CNTN4: variants seen among roughly 807,000 people sequenced by gnomAD.
The protein encoded by CNTN4 is contactin-4.
In CNTN4, 77 loss-of-function variants were observed where a neutral mutation model predicts 122.5. That is an observed-to-expected ratio of 0.63 (90% CI 0.52 to 0.76). The LOEUF (loss-of-function observed/expected upper bound fraction) is 0.76. CNTN4 is among the 30% of genes least tolerant of loss of function. CNTN4 has a pLI of 0.00. For synonymous variants in CNTN4, 512 were observed against 447.0 expected, an observed-to-expected ratio of 1.15 and a Z score of -1.83; for missense variants, 1,256 against 1,259.1, an observed-to-expected ratio of 1.00 and a Z score of 0.04.
At chr3:2,624,269 G>A (rs1302252715) in intron 4 of CNTN4, among the ~76,000 whole-genome samples, 3 of 152,090 alleles carry the variant, frequency 2.0e-5, no homozygotes, top group African/African-American at 7.2e-5. Context: ...AAAGGGTCCA[G>A]GAAAGAAACA....
At chr3:2,977,302 A>G (rs564348380) in intron 13 of CNTN4, among the ~76,000 whole-genome samples, 291 of 152,284 alleles carry the variant, frequency 1.9e-3, no homozygotes, top group Middle Eastern at 6.8e-3. Flanking sequence ...TTTTAATACC[A>G]AAGTAAATAT....
At chr3:2,113,437 T>C (rs2033110248) in intron 2 of CNTN4, among the ~76,000 whole-genome samples, 1 of 152,212 alleles carries the variant, frequency 6.6e-6, no homozygotes, top group Admixed American at 6.5e-5. Flanking sequence ...TTGTGAGAAA[T>C]GCAGAAATTT....
At chr3:2,714,644 C>A (rs933136415) in intron 4 of CNTN4, among the ~76,000 whole-genome samples, 2 of 152,204 alleles carry the variant, frequency 1.3e-5, no homozygotes, top group African/African-American at 4.8e-5. Context: ...CCAACCAGAA[C>A]AGAACCAGAG....
chr3:2,766,339 G>C (rs1330902805), intron 6 of CNTN4, among the ~76,000 whole-genome samples: 2 of 152,170 alleles, frequency 1.3e-5, no homozygotes, highest in African/African-American at 2.4e-5. Context: ...AATCAGGCTA[G>C]TCCAAATGAC....
intron 2 of CNTN4, among the ~76,000 whole-genome samples, chr3:2,151,999 A>G (rs1006284251): frequency 1.3e-5 from 2 of 152,242 alleles, no homozygotes; most frequent in Non-Finnish European, 2.9e-5. Flanking sequence ...ATTATGTACA[A>G]TATTAACTGA....
chr3:2,839,612 C>T (rs2093308459), intron 7 of CNTN4, among the ~76,000 whole-genome samples: 1 of 152,120 alleles, frequency 6.6e-6, no homozygotes, highest in Non-Finnish European at 1.5e-5. Flanking sequence ...GACTGCACTG[C>T]AGTTGAATTG....
At chr3:3,055,589 G>A (rs960322473) in intron 24 of CNTN4, among the ~76,000 whole-genome samples, 1 of 152,178 alleles carries the variant, frequency 6.6e-6, no homozygotes, top group Non-Finnish European at 1.5e-5. Flanking sequence ...TTGCAGAAAA[G>A]GGGTAGATTT....
chr3:2,947,968 G>A (rs536826437), intron 13 of CNTN4, among the ~76,000 whole-genome samples: 10 of 151,920 alleles, frequency 6.6e-5, no homozygotes, highest in East Asian at 1.9e-4. Context: ...TGCTGGGTGC[G>A]TTGTTTATTC....
At chr3:2,191,275 A>T (rs2037532236) in intron 2 of CNTN4, among the ~76,000 whole-genome samples, 1 of 150,696 alleles carries the variant, frequency 6.6e-6, no homozygotes, top group Non-Finnish European at 1.5e-5. Flanking sequence ...TTTGGCATTA[A>T]CCCAGACATA....
chr3:2,400,669 G>A (rs940001094), intron 3 of CNTN4, among the ~76,000 whole-genome samples: 1 of 150,340 alleles, frequency 6.7e-6, no homozygotes, highest in African/African-American at 2.4e-5. Flanking sequence ...GAGTAATGGT[G>A]CAAAAGCCAT....
chr3:2,916,548 G>C (rs1468211882), intron 12 of CNTN4, among the ~76,000 whole-genome samples: 9 of 141,774 alleles, frequency 6.3e-5, no homozygotes, highest in African/African-American at 2.4e-4. Context: ...GCATCCCAAG[G>C]CAGAAGAATT....
chr3:2,502,959 C>G (rs190186259), intron 3 of CNTN4, among the ~76,000 whole-genome samples: 1 of 152,018 alleles, frequency 6.6e-6, no homozygotes, highest in Non-Finnish European at 1.5e-5. Flanking sequence ...CCTTGTGAAC[C>G]GCAACACATA....
Position 2,709,390 on chromosome 3 carries a change from T to C in CNTN4, c.56-26825T>C, listed in dbSNP as rs1305264366. Among the ~76,000 whole-genome samples the C allele has an allele frequency of 2.0e-5, 3 of 151,792 alleles. No homozygotes were observed. Among genetic ancestry groups the C allele is most frequent in the African/African-American group, 2.4e-5 (1 of 41,150 alleles). ...GGTCTCACGCCTGGTTAGGATTTGA[T>C]TGGTAAGGGTACAACCTGTGCACCA... On this transcript the variant is annotated intron_variant, in intron 4 of 24. Transcript: ENST00000418658. The surrounding 1 kb of genome is among the most constrained non-coding windows in gnomAD (Gnocchi z 5.0).
At chr3:2,224,947 A>G (rs929598270) in intron 2 of CNTN4, among the ~76,000 whole-genome samples, 50 of 151,436 alleles carry the variant, frequency 3.3e-4, no homozygotes, top group South Asian at 1.5e-3. Context: ...TCAGGAGATG[A>G]AGACTATCCT....
chr3:2,932,792 C>CTT (rs2151434073), intron 13 of CNTN4, among the ~76,000 whole-genome samples: 1 of 147,710 alleles, frequency 6.8e-6, no homozygotes. Context: ...GATGCAGATG[C>CTT]TTACAGTCTT....
chr3:2,937,039 C>G (rs1423327277), intron 13 of CNTN4, among the ~76,000 whole-genome samples: 1 of 152,180 alleles, frequency 6.6e-6, no homozygotes, highest in Non-Finnish European at 1.5e-5. Context: ...GTTTGCCAAA[C>G]TCTGATCTAA....
intron 2 of CNTN4, among the ~76,000 whole-genome samples, chr3:2,146,235 T>G (rs1252123628): frequency 6.6e-6 from 1 of 151,352 alleles, no homozygotes; most frequent in Non-Finnish European, 1.5e-5. Context: ...TTCTATTAAT[T>G]CAGTCATCAT....
At chr3:2,445,591 A>G (rs17194392) in intron 3 of CNTN4, among the ~76,000 whole-genome samples, 36,019 of 152,134 alleles carry the variant, frequency 0.24, 5,491 homozygotes, top group Non-Finnish European at 0.35. Flanking sequence ...ATCCCTAAAA[A>G]TTAACCATAG....
At chr3:2,649,406 A>G (rs78030890) in intron 4 of CNTN4, among the ~76,000 whole-genome samples, 450 of 152,300 alleles carry the variant, frequency 3.0e-3, no homozygotes, top group Non-Finnish European at 4.7e-3. Context: ...TTCATTGACC[A>G]TCCTGAAAGT....
Sources: allele counts gnomAD v4.1 joint callset (sites outside exome capture counted in the v4.1 genomes callset), GRCh38; gene constraint gnomAD v4.1.1; non-coding constraint Gnocchi (gnomAD v3.1); transcripts MANE v1.5; gene names NCBI Gene and HGNC (gene_info 2026-07-23, HGNC 2026-07-21).